The following SSC4D variants were observed in gnomAD, a reference collection of about 807,000 sequenced individuals.
The protein encoded by SSC4D is scavenger receptor cysteine rich family member with 4 domains.
SSC4D carries 57 observed loss-of-function variants against 63.4 expected under a neutral mutation model. The observed-to-expected ratio is 0.90, with a 90% CI of 0.73 to 1.12. SSC4D has a LOEUF of 1.12. Among genes scored for constraint, SSC4D ranks in the 50% most tolerant of loss-of-function variants. The probability of loss-of-function intolerance (pLI) is 0.00; values close to 1 mark genes in which losing one functional copy is unlikely to be tolerated. For synonymous variants in SSC4D, 352 were observed against 345.4 expected (o/e 1.02, Z -0.21); for missense variants, 791 against 806.4 (o/e 0.98, Z 0.23).
chr7:76,398,914 A>G, intron 4 of SSC4D, 117 bp from the exon 5 acceptor site: 2 of 1,008,408 alleles, frequency 2.0e-6, no homozygotes, highest in Non-Finnish European at 3.0e-6. Flanking sequence ...GCCTCTGGCC[A>G]CACAAAGAGT....
At chr7:76,403,273 C>T (rs1804887385) in intron 2 of SSC4D, among the ~76,000 whole-genome samples, 1 of 152,134 alleles carries the variant, frequency 6.6e-6, no homozygotes, top group Non-Finnish European at 1.5e-5. Flanking sequence ...AGTTCTGACA[C>T]TTTCCTTATA....
rs569630234 is a variant in SSC4D at position 76,393,339 on chromosome 7, G to A, written c.1333+66C>T. 2.6e-5 allele frequency: 33 copies of A among 1,287,014 alleles called. No homozygotes were observed. The African/African-American group carries it at 5.1e-4, about 20-fold the overall frequency. The allele number at this position is 1,287,014 out of a possible 1,614,324, so 79.7% of individuals were successfully genotyped here. A position where few individuals can be genotyped will look rare whatever the true frequency, so the allele number is the denominator to read the frequency against. On this transcript the variant is annotated intron_variant, in intron 9 of 10. Coordinates refer to ENST00000275560, the MANE Select transcript of SSC4D (RefSeq NM_080744.2). ...CAAGAGAGGCCTCGCGCGTGGCGCC[G>A]CCCCGCCCCTCCCACGCCGCAGTGC...
In SSC4D at chr7:76,398,754, A is replaced by G. The variant is rs141271279; in HGVS notation, c.519T>C (p.Ser173=). Residue 173 remains serine, a synonymous_variant, in exon 5 of 11, where the codon AGT becomes AGC. Transcript: ENST00000275560. The part of the protein sequence containing the change: ...TQPPTRKMLT[S]RAPPTTLPNG... The stretch of plus-strand genomic sequence containing the variant: ...TCGGCAGTGTCGTAGGAGGTGCTCT[A>G]CTGGTTAACATCTTCCTTGTTGGGG... 2.7e-5 allele frequency: 43 copies of G among 1,613,504 alleles called. No individual in the cohort carries two copies. The African/African-American group carries it at 5.3e-4, about 20-fold the overall frequency.
chr7:76,404,063 C>T (rs1804919126), intron 2 of SSC4D, among the ~76,000 whole-genome samples: 1 of 152,164 alleles, frequency 6.6e-6, no homozygotes, highest in South Asian at 2.1e-4. Flanking sequence ...TTCTGTCCTT[C>T]CCTGTGCCCA....
Position 76,390,859 on chromosome 7 carries a change from T to C in SSC4D, c.1412-484A>G, listed in dbSNP as rs201122842. ...GATTGGCGCTAGGTGCGGTGGCTCA[T>C]GCCTGCAATCCCAGCACTTTGGGAG... On this transcript the variant is annotated intron_variant, in intron 10 of 10. Coordinates refer to ENST00000275560, the MANE Select transcript of SSC4D (RefSeq NM_080744.2). 3.7e-4 allele frequency among the ~76,000 whole-genome samples: 56 copies of C among 151,710 alleles called. No individual in the cohort carries two copies. In the East Asian group the frequency reaches 8.4e-3, roughly 23 times the overall value.
intron 10 of SSC4D, among the ~76,000 whole-genome samples, chr7:76,390,622 C>T (rs1804475785): frequency 6.6e-6 from 1 of 151,758 alleles, no homozygotes; most frequent in Non-Finnish European, 1.5e-5. Flanking sequence ...TCGAGACCAT[C>T]CTGGCTAACA....
At chr7:76,399,640 A>C (rs1264080525) in intron 4 of SSC4D, among the ~76,000 whole-genome samples, 1 of 151,766 alleles carries the variant, frequency 6.6e-6, no homozygotes, top group East Asian at 1.9e-4. Flanking sequence ...GACTCCAGCG[A>C]TCCTCCCTCC....
At chr7:76,405,979 C>CTTTCT (rs201510499) in intron 1 of SSC4D, among the ~76,000 whole-genome samples, 11,747 of 147,896 alleles carry the variant, frequency 0.079, 609 homozygotes, top group Middle Eastern at 0.16. Context: ...CTTTCCTTTC[C>CTTTCT]TTTCTTTTCT....
intron 2 of SSC4D, among the ~76,000 whole-genome samples, chr7:76,401,844 C>T (rs777192659): frequency 2.0e-5 from 3 of 152,156 alleles, no homozygotes; most frequent in Non-Finnish European, 4.4e-5. Flanking sequence ...CTTTCAGGGC[C>T]TTCTCTGGTA....
chr7:76,390,475 G>T, intron 10 of SSC4D, 100 bp from the exon 11 acceptor site: 2 of 1,136,828 alleles, frequency 1.8e-6, no homozygotes, highest in Non-Finnish European at 2.4e-6. Flanking sequence ...GACACTCTGA[G>T]CACTGCCCTA....
rs77067369 is a variant in SSC4D, at chr7:76,401,038, C to T, written c.139G>A (p.Ala47Thr). Residue 47 changes from alanine to threonine, a missense_variant, in exon 3 of 11, where the codon GCC becomes ACC. Transcript: ENST00000275560. ...AAGGGCAGTGGAGTGGGCTGTAGGG[C>T]GCTGGCTGAAACAGAGTGAGGAAGA... ...SFLLLLPLASALQPTPLPFQE... is the reference protein window; with the variant it reads ...SFLLLLPLASTLQPTPLPFQE... 1,697 of 1,547,898 alleles carry T rather than the reference C, an allele frequency of 1.1e-3. 36 individuals are homozygous for T. In the East Asian group the frequency reaches 0.037, roughly 34 times the overall value.
chr7:76,400,616 C>CAGGG (rs780547967), intron 3 of SSC4D, 25 bp from the exon 4 acceptor site: 88 of 1,432,382 alleles, frequency 6.1e-5, no homozygotes, highest in Non-Finnish European at 7.6e-5. Context: ...GAGCTGGCAC[C>CAGGG]AGGGGGTCAC....
intron 1 of SSC4D, among the ~76,000 whole-genome samples, chr7:76,406,564 A>T (rs1584035243): frequency 6.6e-6 from 1 of 151,422 alleles, no homozygotes. Flanking sequence ...GCTCACTGCA[A>T]CCTCCCTATC....
Position 76,393,611 on chromosome 7 carries a change from G to A in SSC4D, c.1127C>T (p.Ala376Val). ...TTCGCGGCAGGCCACGCGCGCGTCC[G>A]CAAAGTCCCAGTCATCGTCGCACAC... Reference protein sequence around the residue: ...GTVCDDDWDFADARVACREAG... With the variant: ...GTVCDDDWDFVDARVACREAG... The change falls in exon 9 of 11, where the codon GCG (alanine) becomes GTG (valine). Residue 376 changes from alanine (A) to valine (V), a missense_variant. Physicochemically the swap from Ala to Val is moderately conservative, Grantham distance 64. Transcript: ENST00000275560. The A allele has an allele frequency of 6.7e-7, 1 of 1,503,412 alleles. No individual in the cohort carries two copies. 93.1% of individuals were successfully genotyped at this position (1,503,412 alleles called of 1,614,324 possible).
intron 2 of SSC4D, among the ~76,000 whole-genome samples, chr7:76,401,359 T>G (rs1283291427): frequency 1.3e-5 from 2 of 152,148 alleles, no homozygotes; most frequent in African/African-American, 2.4e-5. Context: ...GCTCCTGAGC[T>G]TTCACTACAA....
In SSC4D at chr7:76,395,343, A is replaced by T. The variant is rs1804612444; in HGVS notation, c.869-13T>A. The T allele has an allele frequency of 1.2e-6, 2 of 1,613,462 alleles. No homozygotes were observed. Among genetic ancestry groups the T allele is most frequent in the Non-Finnish European group, 8.5e-7 (1 of 1,179,692 alleles). ...GGGGGACCCAGGCCTAGGGCAGGAG[A>T]GAAGGGGGCAGGGTCAGAGGCTGAG... is the stretch of plus-strand genomic sequence containing the variant. On this transcript the variant is annotated splice_polypyrimidine_tract_variant and intron_variant, in intron 6 of 10. Transcript: ENST00000275560.
intron 2 of SSC4D, 50 bp downstream of exon 2, chr7:76,404,257 A>G: frequency 2.0e-6 from 3 of 1,491,706 alleles, no homozygotes; most frequent in Admixed American, 2.6e-5. Flanking sequence ...AGCTGGGACA[A>G]CTGAGATTCA....
Position 76,400,516 on chromosome 7 carries a change from A to T in SSC4D, c.245T>A (p.Val82Asp), listed in dbSNP as rs1179460198. ...EVMHGGSWGS[V>D]CDDDWDVVDA... ...CACCACGTCCCAGTCGTCATCACAG[A>T]CGCTGCCCCAGGAGCCACCGTGCAT... Residue 82 changes from valine to aspartate, a missense_variant, in exon 4 of 11, where the codon GTC becomes GAC. Val to Asp is a radical substitution (Grantham distance 152). Transcript: ENST00000275560. The T allele has an allele frequency of 6.3e-7, 1 of 1,584,938 alleles. No homozygotes were observed. The highest frequency in any genetic ancestry group is 1.8e-5 in the Admixed American group (1 of 56,160).
rs528459319 is a variant in SSC4D at position 76,407,825 on chromosome 7, C to T, written c.-67+1589G>A. ...ACCAGTGTCCCAGAAGCCTCTCTCA[C>T]GTCCCCTTTTCTTGCAGACTTTTAG... On this transcript the variant is annotated intron_variant, in intron 1 of 10. Coordinates refer to ENST00000275560, the MANE Select transcript of SSC4D (RefSeq NM_080744.2). 8.5e-5 allele frequency among the ~76,000 whole-genome samples: 13 copies of T among 152,320 alleles called. No individual in the cohort carries two copies. The East Asian group carries it at 1.7e-3, about 20-fold the overall frequency.
Sources: gnomAD v4.1 joint callset for allele counts (sites outside exome capture counted in the v4.1 genomes callset) on GRCh38, gnomAD v4.1.1 for gene constraint, MANE v1.5 for transcripts, NCBI Gene and HGNC (gene_info 2026-07-23, HGNC 2026-07-21) for gene names.